Variants in NUDT6 observed in about 807,000 individuals in gnomAD.
The protein encoded by NUDT6 is FAD diphosphatase NUDT6.
NUDT6 carries 24 observed loss-of-function variants against 36.8 expected under a neutral mutation model. The ratio of observed to expected loss-of-function variants is 0.65; its 90% CI spans 0.47 to 0.92. The LOEUF (loss-of-function observed/expected upper bound fraction) is 0.92, where lower values mean the gene tolerates loss of function less well. Ranked by LOEUF, NUDT6 falls within the 40% of genes least tolerant of loss-of-function variation. The pLI, the probability that NUDT6 is intolerant of heterozygous loss-of-function variation, is 0.00. For missense variants in NUDT6, 388 were observed against 392.8 expected (o/e 0.99, Z 0.10); for synonymous variants, 163 against 157.0 (o/e 1.04, Z -0.29).
chr4:122,907,745 G>A (rs1039739776), intron 3 of NUDT6, among the ~76,000 whole-genome samples: 1 of 152,020 alleles, frequency 6.6e-6, no homozygotes, highest in African/African-American at 2.4e-5. Flanking sequence ...CACTGCGCCC[G>A]GCCCCTTTAC....
At chr4:122,912,101 GAGA>G (rs1560772525) in intron 3 of NUDT6, among the ~76,000 whole-genome samples, 1 of 152,034 alleles carries the variant, frequency 6.6e-6, no homozygotes, top group Admixed American at 6.6e-5. Context: ...CACCTCCTTT[GAGA>G]AGTCTTTGGG....
intron 1 of NUDT6, chr4:122,919,849 A>G (rs147878339): frequency 1.1e-4 from 17 of 152,348 alleles, no homozygotes; most frequent in African/African-American, 3.8e-4. Flanking sequence ...ATTCTATTTA[A>G]TATTCCATGC....
At chr4:122,901,525 C>CA (rs1727524423) in intron 3 of NUDT6, among the ~76,000 whole-genome samples, 3 of 152,140 alleles carry the variant, frequency 2.0e-5, no homozygotes, top group Admixed American at 6.5e-5. Context: ...TATCACTCTG[C>CA]AATCCTTCCT....
In NUDT6 at chr4:122,893,165, A is replaced by T; in HGVS notation, c.614T>A (p.Val205Asp). 2 of 1,614,146 alleles carry T rather than the reference A, an allele frequency of 1.2e-6. No homozygotes were observed. The highest frequency in any genetic ancestry group is 1.7e-6 in the Non-Finnish European group (2 of 1,180,016). ...TGTGTGCTGTTGCCGAATACTCAGGACGGACCTGAATTCTGATTTTATACC... is the reference window on the plus strand; with the variant it reads ...TGTGTGCTGTTGCCGAATACTCAGGTCGGACCTGAATTCTGATTTTATACC... ...ETGIKSEFRSVLSIRQQHTNP... is the reference protein window; with the variant it reads ...ETGIKSEFRSDLSIRQQHTNP... The change falls in exon 5 of 5, where the codon GTC becomes GAC. Residue 205 changes from valine (V) to aspartate (D), a missense_variant. Physicochemically the swap from Val to Asp is radical, Grantham distance 152 (BLOSUM62 -3). Coordinates refer to ENST00000304430, the MANE Select transcript of NUDT6 (RefSeq NM_007083.5).
chr4:122,917,402 T>G, intron 2 of NUDT6, 99 bp downstream of exon 2: 1 of 1,019,796 alleles, frequency 9.8e-7, no homozygotes, highest in Non-Finnish European at 1.5e-6. Flanking sequence ...ATCAAATAAC[T>G]CATTCCACAT....
chr4:122,900,057 A>ACACCCCCCCCCCCC (rs376050692), intron 3 of NUDT6, among the ~76,000 whole-genome samples: 2 of 88,680 alleles, frequency 2.3e-5, no homozygotes, highest in Non-Finnish European at 2.2e-5. Flanking sequence ...CACCCCCGCC[A>ACACCCCCCCCCCCC]CCCCCCCCCC....
intron 1 of NUDT6, 131 bp downstream of exon 1, chr4:122,922,204 G>T: frequency 1.4e-6 from 1 of 713,762 alleles, no homozygotes; most frequent in Non-Finnish European, 2.2e-6. Flanking sequence ...ACAGGTCCAG[G>T]TCACGCGTGC....
At chr4:122,907,891 C>T (rs1459337157) in intron 3 of NUDT6, among the ~76,000 whole-genome samples, 1 of 152,054 alleles carries the variant, frequency 6.6e-6, no homozygotes, top group Non-Finnish European at 1.5e-5. Flanking sequence ...AAGGTATGGG[C>T]GATTTGGTGC....
chr4:122,898,728 GCTTTA>G (rs1372491629), intron 3 of NUDT6, among the ~76,000 whole-genome samples: 11 of 152,262 alleles, frequency 7.2e-5, no homozygotes, highest in African/African-American at 2.4e-4. Flanking sequence ...AGGATATTAT[GCTTTA>G]CTTTATTAAT....
intron 4 of NUDT6, chr4:122,894,129 A>C (rs952380289): frequency 6.6e-6 from 1 of 152,198 alleles, no homozygotes; most frequent in Admixed American, 6.5e-5. Flanking sequence ...CATCCCCTGG[A>C]TATGCTCTTG....
At chr4:122,920,505 A>G (rs1266636934) in intron 1 of NUDT6, 2 of 152,252 alleles carry the variant, frequency 1.3e-5, no homozygotes, top group African/African-American at 4.8e-5. Flanking sequence ...TGATCAACGC[A>G]TCTATCCAGT....
At chr4:122,904,459 C>G (rs1051458682) in intron 3 of NUDT6, among the ~76,000 whole-genome samples, 6 of 148,032 alleles carry the variant, frequency 4.1e-5, no homozygotes. Flanking sequence ...CACCTACTTT[C>G]TATAATTTTT....
Position 122,897,600 on chromosome 4 carries a change from A to G in NUDT6, c.553+24T>C, listed in dbSNP as rs775626826. On this transcript the variant is annotated intron_variant, in intron 4 of 4. Coordinates refer to ENST00000304430, the MANE Select transcript of NUDT6 (RefSeq NM_007083.5). ...TAATTTCCTCAACATTTTTAAGCCA[A>G]TTAAAAATATAAAAGATACACACCA... 2.0e-6 allele frequency: 3 copies of G among 1,510,292 alleles called. No individual in the cohort carries two copies. In the South Asian group the frequency reaches 3.4e-5, roughly 17 times the overall value. 93.6% of individuals were successfully genotyped at this position (1,510,292 alleles called of 1,614,324 possible).
At chr4:122,922,748 A>G, upstream of NUDT6, 2 of 606,838 alleles carry the variant, frequency 3.3e-6, no homozygotes, top group South Asian at 4.3e-5. Flanking sequence ...CTTCTCAGCA[A>G]TTTGCCCCGC....
intron 3 of NUDT6, 39 bp from the exon 4 acceptor site, chr4:122,897,717 TC>T: frequency 2.3e-6 from 3 of 1,285,652 alleles, no homozygotes; most frequent in Non-Finnish European, 3.4e-6. Flanking sequence ...AACATAACTT[TC>T]ACTAACACAC....
At chr4:122,902,360 A>G (rs1016826657) in intron 3 of NUDT6, among the ~76,000 whole-genome samples, 12 of 152,206 alleles carry the variant, frequency 7.9e-5, no homozygotes, top group African/African-American at 2.4e-4. Context: ...TCCACCTTAC[A>G]TAACATTTAT....
rs760709952 is a variant in NUDT6 at position 122,922,418 on chromosome 4, C to T, written c.155G>A (p.Arg52Lys). The T allele has an allele frequency of 6.2e-7, 1 of 1,611,758 alleles. No homozygotes were observed. Among genetic ancestry groups the T allele is most frequent in the Non-Finnish European group, 8.5e-7 (1 of 1,179,878 alleles). ...GACDLQGELD[R>K]FGGISVRLAR... is the part of the protein sequence containing the mutation. Reference sequence around the variant, plus strand: ...CAGGCGCACCGAGATGCCCCCGAATCTGTCCAGCTCGCCCTGCAGATCGCA... The same window carrying T: ...CAGGCGCACCGAGATGCCCCCGAATTTGTCCAGCTCGCCCTGCAGATCGCA... The change falls in exon 1 of 5, where the codon AGA (arginine) becomes AAA (lysine). Residue 52 changes from arginine (R) to lysine (K), a missense_variant. Physicochemically the swap from Arg to Lys is conservative, Grantham distance 26. Coordinates refer to ENST00000304430, the MANE Select transcript of NUDT6 (RefSeq NM_007083.5).
At chr4:122,896,933 AT>A (rs776616085) in intron 4 of NUDT6, 1 of 152,212 alleles carries the variant, frequency 6.6e-6, no homozygotes, top group Admixed American at 6.5e-5. Flanking sequence ...ATTTGATCCA[AT>A]AGTTTAAGGA....
intron 3 of NUDT6, among the ~76,000 whole-genome samples, chr4:122,902,481 C>CT (rs1163525136): frequency 6.6e-6 from 1 of 152,118 alleles, no homozygotes; most frequent in Non-Finnish European, 1.5e-5. Flanking sequence ...ATACCTAGTG[C>CT]TTAGTGCACC....
Sources: gnomAD v4.1 joint callset for allele counts (sites outside exome capture counted in the v4.1 genomes callset) on GRCh38, gnomAD v4.1.1 for gene constraint, MANE v1.5 for transcripts, NCBI Gene and HGNC (gene_info 2026-07-23, HGNC 2026-07-21) for gene names.